Variants in ZNG1E observed in about 807,000 individuals in gnomAD.
ZNG1E encodes the protein zinc-regulated GTPase metalloprotein activator 1E.
chr9:65,661,971 C>T, the ZNG1E span, among the ~76,000 whole-genome samples: 134 of 152,248 alleles, frequency 8.8e-4, no homozygotes, highest in African/African-American at 2.6e-3. Flanking sequence ...ATGATGAAAA[C>T]ACAAGACATT....
the ZNG1E span, among the ~76,000 whole-genome samples, chr9:65,680,987 A>G: frequency 6.6e-6 from 1 of 152,170 alleles, no homozygotes; most frequent in South Asian, 2.1e-4. Flanking sequence ...ATGAGGTTTC[A>G]TTGTGTTAGC....
chr9:65,706,062 A>T, the ZNG1E span, among the ~76,000 whole-genome samples: 2 of 147,740 alleles, frequency 1.4e-5, no homozygotes, highest in South Asian at 4.3e-4. Context: ...TCAGCTATTT[A>T]CTGAGCTATC....
the ZNG1E span, among the ~76,000 whole-genome samples, chr9:65,712,237 TTCTC>T: frequency 3.9e-5 from 4 of 102,238 alleles, no homozygotes; most frequent in Non-Finnish European, 7.4e-5. Flanking sequence ...TATTTGATTC[TTCTC>T]TCTTTTTTTC....
chr9:65,707,076 T>C, the ZNG1E span: 9 of 99,296 alleles, frequency 9.1e-5, no homozygotes, highest in Admixed American at 6.6e-4. Flanking sequence ...GGTGGTGCGA[T>C]CTCGGCTCAC....
chr9:65,721,656 T>C, the ZNG1E span, among the ~76,000 whole-genome samples: 1 of 150,446 alleles, frequency 6.6e-6, no homozygotes, highest in East Asian at 1.9e-4. Flanking sequence ...AAGAGTAGAA[T>C]AGTATAATGA....
At chr9:65,658,064 A>G in the ZNG1E span, among the ~76,000 whole-genome samples, 1 of 150,976 alleles carries the variant, frequency 6.6e-6, no homozygotes, top group Non-Finnish European at 1.5e-5. Context: ...GCACCATTGC[A>G]CTCCAGCCTG....
the ZNG1E span, among the ~76,000 whole-genome samples, chr9:65,714,304 T>C: frequency 7.6e-4 from 115 of 150,608 alleles, no homozygotes; most frequent in African/African-American, 2.7e-3. Flanking sequence ...GGTTTGAATG[T>C]CCTCCCGTAG....
At chr9:65,700,085 T>C in the ZNG1E span, among the ~76,000 whole-genome samples, 2 of 147,918 alleles carry the variant, frequency 1.4e-5, 1 homozygote, top group African/African-American at 5.2e-5. Flanking sequence ...AGGAGTAAAC[T>C]GAATCACTCC....
chr9:65,675,553 G>A, the ZNG1E span, among the ~76,000 whole-genome samples: 226 of 149,168 alleles, frequency 1.5e-3, 3 homozygotes, highest in African/African-American at 5.2e-3. Flanking sequence ...AAAAAATCAA[G>A]TTGATAAAAT....
the ZNG1E span, among the ~76,000 whole-genome samples, chr9:65,716,323 T>A: frequency 8.0e-6 from 1 of 124,758 alleles, no homozygotes; most frequent in Non-Finnish European, 1.7e-5. Context: ...CCTGACTAAT[T>A]TTTTTTTAAT....
chr9:65,704,632 G>T, the ZNG1E span: 1 of 942,072 alleles, frequency 1.1e-6, no homozygotes, highest in East Asian at 1.2e-4. Context: ...GGAGATTTGG[G>T]CTGGGTGCGG....
the ZNG1E span, among the ~76,000 whole-genome samples, chr9:65,671,821 G>T: frequency 6.9e-6 from 1 of 145,574 alleles, no homozygotes; most frequent in Non-Finnish European, 1.5e-5. Flanking sequence ...TTTTGGTTTG[G>T]TCTGGTCTGC....
chr9:65,704,736 C>CT, the ZNG1E span: 1 of 83,000 alleles, frequency 1.2e-5, no homozygotes, highest in Non-Finnish European at 1.7e-5. Flanking sequence ...CACTGTGAAA[C>CT]CCATCTCTAC....
At chr9:65,659,235 C>A in the ZNG1E span, among the ~76,000 whole-genome samples, 6 of 151,782 alleles carry the variant, frequency 4.0e-5, no homozygotes, top group African/African-American at 9.7e-5. Context: ...TGGTGGCTCA[C>A]GCCTGTAATC....
At chr9:65,664,137 A>G in the ZNG1E span, among the ~76,000 whole-genome samples, 1 of 152,098 alleles carries the variant, frequency 6.6e-6, no homozygotes, top group African/African-American at 2.4e-5. Flanking sequence ...ATCAGTACAT[A>G]TAAAAAATAC....
the ZNG1E span, among the ~76,000 whole-genome samples, chr9:65,686,776 T>C: frequency 4.5e-4 from 69 of 152,358 alleles, no homozygotes; most frequent in South Asian, 2.9e-3. Context: ...TTTTATGTTA[T>C]GGAGATGGCT....
At chr9:65,659,489 C>T in the ZNG1E span, among the ~76,000 whole-genome samples, 113 of 133,496 alleles carry the variant, frequency 8.5e-4, no homozygotes, top group African/African-American at 3.0e-3. Flanking sequence ...AATGAGACTC[C>T]GTCTCAAAAA....
chr9:65,675,690 G>GT, the ZNG1E span: 1 of 612,388 alleles, frequency 1.6e-6, no homozygotes, highest in Non-Finnish European at 2.8e-6. Flanking sequence ...CAGACAGGTG[G>GT]TTAGTGCGCC....
chr9:65,684,913 G>T, the ZNG1E span, among the ~76,000 whole-genome samples: 1 of 152,166 alleles, frequency 6.6e-6, no homozygotes, highest in East Asian at 1.9e-4. Flanking sequence ...GTTTTGGCCG[G>T]GTGTGATGTG....
Sources: gnomAD v4.1 joint callset for allele counts (sites outside exome capture counted in the v4.1 genomes callset) on GRCh38, gnomAD v4.1.1 for gene constraint, MANE v1.5 for transcripts, NCBI Gene and HGNC (gene_info 2026-07-23, HGNC 2026-07-21) for gene names.